JAKMIP3: variants seen among roughly 807,000 people sequenced by gnomAD.
JAKMIP3 encodes the protein janus kinase and microtubule-interacting protein 3.
Under a neutral mutation model 118.5 loss-of-function variants are expected in JAKMIP3, and 58 were observed. The observed-to-expected ratio is 0.49, with a 90% CI of 0.40 to 0.61. The LOEUF is 0.61. JAKMIP3 is among the 20% of genes least tolerant of loss of function. The probability of loss-of-function intolerance (pLI) is 0.00; values close to 1 mark genes in which losing one functional copy is unlikely to be tolerated. For missense variants in JAKMIP3, 950 were observed against 1,109.0 expected (o/e 0.86, Z 2.04); for synonymous variants, 486 against 451.2 (o/e 1.08, Z -0.98).
In JAKMIP3 at chr10:132,118,441, C is replaced by T. The variant is rs560194855; in HGVS notation, c.633+867C>T. On this transcript the variant is annotated intron_variant, in intron 3 of 23. Coordinates refer to ENST00000684848, the MANE Select transcript of JAKMIP3 (RefSeq NM_001323087.2). This position sits in a 1 kb window ranked among gnomAD's most constrained non-coding sequence, Gnocchi z 4.8. The stretch of plus-strand genomic sequence containing the variant: ...CCCTGTGCCTCTTCAGGACCCGGAG[C>T]CCCGGGCACCTTGGGTGGGATGCAG... Among the ~76,000 whole-genome samples, 1 of 152,308 alleles carries T rather than the reference C, an allele frequency of 6.6e-6. No individual in the cohort carries two copies. Among genetic ancestry groups the T allele is most frequent in the African/African-American group, 2.4e-5 (1 of 41,582 alleles).
chr10:132,109,501 TC>T (rs2046518990), intron 2 of JAKMIP3, among the ~76,000 whole-genome samples: 1 of 151,758 alleles, frequency 6.6e-6, no homozygotes, highest in African/African-American at 2.4e-5. Context: ...GAGGTGTGGG[TC>T]CCCCTGCGCC....
intron 1 of JAKMIP3, among the ~76,000 whole-genome samples, chr10:132,043,869 G>A (rs546685349): frequency 6.6e-6 from 1 of 152,364 alleles, no homozygotes; most frequent in Admixed American, 6.5e-5. Context: ...ATCCCAAGAG[G>A]AGAATAAGGA....
Position 132,090,777 on chromosome 10 carries a change from G to A in JAKMIP3, c.-137-13895G>A, listed in dbSNP as rs182031519. Among the ~76,000 whole-genome samples, 966 of 152,182 alleles carry A rather than the reference G, an allele frequency of 6.3e-3. 7 individuals are homozygous for A. The highest frequency in any genetic ancestry group is 0.01 in the Non-Finnish European group (691 of 68,026). The stretch of plus-strand genomic sequence containing the variant: ...GAATGTGTTTGCCCTTGCTTCTCTA[G>A]TTCTTTTAATTGTGATGTTAGGGTG... On this transcript the variant is annotated intron_variant, in intron 1 of 23. Coordinates refer to ENST00000684848, the MANE Select transcript of JAKMIP3 (RefSeq NM_001323087.2).
Position 132,117,984 on chromosome 10 carries a change from G to A in JAKMIP3, c.633+410G>A, listed in dbSNP as rs2047979381. ...CACCTGACACCAGGCAGGGCTCAGTGTTTCGCAGCAGGAGTCCCACACATC... is the reference window on the plus strand; with the variant it reads ...CACCTGACACCAGGCAGGGCTCAGTATTTCGCAGCAGGAGTCCCACACATC... On this transcript the variant is annotated intron_variant, in intron 3 of 23. Transcript: ENST00000684848. The surrounding 1 kb of genome is among the most constrained non-coding windows in gnomAD (Gnocchi z 8.6). 6.6e-6 allele frequency among the ~76,000 whole-genome samples: 1 copy of A among 152,192 alleles called. No homozygotes were observed. Among genetic ancestry groups the A allele is most frequent in the Non-Finnish European group, 1.5e-5 (1 of 68,034 alleles).
intron 1 of JAKMIP3, among the ~76,000 whole-genome samples, chr10:132,090,987 C>G (rs1391647357): frequency 6.6e-6 from 1 of 152,284 alleles, no homozygotes; most frequent in East Asian, 1.9e-4. Flanking sequence ...TGTCTTTGTT[C>G]TCATTGGTTT....
chr10:132,044,272 G>A lies in JAKMIP3; in HGVS notation c.-138+7534G>A, dbSNP rs1277044157. ...CACGTCTCCTGGTCCAGGCATCGTG[G>A]ACCTCCCTGGGGTGAGTAGTCAACA... On this transcript the variant is annotated intron_variant, in intron 1 of 23. Coordinates refer to the JAKMIP3 transcript ENST00000657785. This position sits in a 1 kb window ranked among gnomAD's most constrained non-coding sequence, Gnocchi z 5.3. Among the ~76,000 whole-genome samples the A allele has an allele frequency of 6.6e-6, 1 of 152,184 alleles. No individual in the cohort carries two copies. Among genetic ancestry groups the A allele is most frequent in the African/African-American group, 2.4e-5 (1 of 41,448 alleles).
chr10:132,042,811 G>A (rs559481906), intron 1 of JAKMIP3, among the ~76,000 whole-genome samples: 56 of 152,178 alleles, frequency 3.7e-4, no homozygotes, highest in South Asian at 8.3e-4. Context: ...TTTTGTATCA[G>A]CTTTACTTGG....
At chr10:132,148,451 A>C (rs944045514) in intron 14 of JAKMIP3, among the ~76,000 whole-genome samples, 5 of 151,690 alleles carry the variant, frequency 3.3e-5, no homozygotes, top group Non-Finnish European at 5.9e-5. Flanking sequence ...TCCGTCCTCC[A>C]TCTGCCCGTC....
In JAKMIP3 at chr10:132,167,994, AAGC is replaced by A; in HGVS notation, c.*67_*69del. On this transcript the variant is annotated 3_prime_UTR_variant, in exon 23 of 24. Coordinates refer to ENST00000684848, the MANE Select transcript of JAKMIP3 (RefSeq NM_001323087.2). The stretch of plus-strand genomic sequence containing the variant: ...ACCCTTTTCCTCCAGTGGGACCAGA[AAGC>A]AGGGACAAAATGGGACGTCGCGTCT... 2 of 1,289,608 alleles carry A rather than the reference AAGC, an allele frequency of 1.6e-6. No homozygotes were observed. The highest frequency in any genetic ancestry group is 2.0e-6 in the Non-Finnish European group (2 of 988,844). The allele number at this position is 1,289,608 out of a possible 1,614,324, so 79.9% of individuals were successfully genotyped here. A position where few individuals can be genotyped will look rare whatever the true frequency, so the allele number is the denominator to read the frequency against.
intron 1 of JAKMIP3, among the ~76,000 whole-genome samples, chr10:132,085,629 T>G (rs2042301187): frequency 6.6e-6 from 1 of 151,942 alleles, no homozygotes; most frequent in Non-Finnish European, 1.5e-5. Flanking sequence ...GCCTCCCGAG[T>G]AGCTGGGACT....
chr10:132,174,082 G>A (rs905840836), intron 23 of JAKMIP3, among the ~76,000 whole-genome samples: 2 of 151,666 alleles, frequency 1.3e-5, no homozygotes, highest in Non-Finnish European at 2.9e-5. Flanking sequence ...GTGGTTTCTG[G>A]TGTGCTTGTG....
At chr10:132,180,578 TGCGTGCGC>T (rs1277631654) in intron 23 of JAKMIP3, among the ~76,000 whole-genome samples, 4 of 23,806 alleles carry the variant, frequency 1.7e-4, no homozygotes, top group South Asian at 1.7e-3. Flanking sequence ...CGTGTGTGTG[TGCGTGCGC>T]GTGTGTGTGT....
rs2046961749 is a variant in JAKMIP3, at chr10:132,112,049, G to A, written c.136-5028G>A. 6.6e-6 allele frequency among the ~76,000 whole-genome samples: 1 copy of A among 152,086 alleles called. No homozygotes were observed. The highest frequency in any genetic ancestry group is 1.5e-5 in the Non-Finnish European group (1 of 67,996). On this transcript the variant is annotated intron_variant, in intron 2 of 23. Coordinates refer to ENST00000684848, the MANE Select transcript of JAKMIP3 (RefSeq NM_001323087.2). The surrounding 1 kb of genome is among the most constrained non-coding windows in gnomAD (Gnocchi z 4.3). ...TGGCAGGCGGGGGTAGAGCGTGCGG[G>A]TGGACGGTGCATGGGATGCTCCAGG...
intron 1 of JAKMIP3, among the ~76,000 whole-genome samples, chr10:132,048,802 AATTTTT>A (rs1469020079): frequency 1.1e-5 from 1 of 90,760 alleles, no homozygotes; most frequent in Non-Finnish European, 2.4e-5. Context: ...ACCCCCGACT[AATTTTT>A]TTTTGTATTT....
chr10:132,151,456 G>GCA (rs1168181648), intron 16 of JAKMIP3, among the ~76,000 whole-genome samples: 1 of 152,184 alleles, frequency 6.6e-6, no homozygotes, highest in Non-Finnish European at 1.5e-5. Context: ...GGGAGGCTCT[G>GCA]GGTGTGGGTC....
chr10:132,066,503 G>A (rs1236772305), intron 1 of JAKMIP3, among the ~76,000 whole-genome samples: 1 of 152,224 alleles, frequency 6.6e-6, no homozygotes, highest in Non-Finnish European at 1.5e-5. Context: ...CGGCGTCCGG[G>A]TGCTTCCTGG....
intron 1 of JAKMIP3, among the ~76,000 whole-genome samples, chr10:132,038,825 C>T: frequency 6.7e-6 from 1 of 148,822 alleles, no homozygotes; most frequent in South Asian, 2.2e-4. Flanking sequence ...CATAAACATA[C>T]TTGCTGCATG....
At chr10:132,097,899 C>T (rs116344782) in intron 1 of JAKMIP3, among the ~76,000 whole-genome samples, 40 of 43,818 alleles carry the variant, frequency 9.1e-4, no homozygotes, top group East Asian at 2.7e-3. Flanking sequence ...CCTTCCCCTT[C>T]CCCTTCCCCT....
chr10:132,106,193 G>A (rs1446171570), intron 2 of JAKMIP3, among the ~76,000 whole-genome samples: 3 of 151,930 alleles, frequency 2.0e-5, no homozygotes, highest in African/African-American at 4.8e-5. Context: ...GACACATTAC[G>A]CAGGTGCGGT....
Sources: gnomAD v4.1 joint callset for allele counts (sites outside exome capture counted in the v4.1 genomes callset) on GRCh38, gnomAD v4.1.1 for gene constraint, Gnocchi (gnomAD v3.1) non-coding constraint, MANE v1.5 for transcripts, NCBI Gene and HGNC (gene_info 2026-07-23, HGNC 2026-07-21) for gene names.